The following CPVL variants were observed in gnomAD, a reference collection of about 807,000 sequenced individuals.
CPVL encodes carboxypeptidase vitellogenic like.
In CPVL, 51 loss-of-function variants were observed where a neutral mutation model predicts 63.7. The observed-to-expected ratio is 0.80, with a 90% confidence interval of 0.64 to 1.01. CPVL has a LOEUF of 1.01. CPVL is among the 50% of genes least tolerant of loss of function. CPVL has a pLI of 0.00. For synonymous variants in CPVL, 195 were observed against 206.0 expected (o/e 0.95, Z 0.46); for missense variants, 530 against 573.1 (o/e 0.92, Z 0.77).
intron 12 of CPVL, among the ~76,000 whole-genome samples, chr7:29,001,776 G>C (rs573373482): frequency 3.3e-5 from 5 of 152,158 alleles, no homozygotes; most frequent in Non-Finnish European, 7.4e-5. Flanking sequence ...ACATATTCTA[G>C]AGCAGTTAAA....
intron 12 of CPVL, among the ~76,000 whole-genome samples, chr7:28,999,107 G>A (rs1479308255): frequency 1.3e-5 from 2 of 151,746 alleles, no homozygotes; most frequent in East Asian, 2.0e-4. Context: ...AACTACTGGG[G>A]AGGCTGAAGC....
At chr7:29,178,664 A>G (rs1797686533) in intron 5 of CPVL, among the ~76,000 whole-genome samples, 1 of 152,156 alleles carries the variant, frequency 6.6e-6, no homozygotes, top group South Asian at 2.1e-4. Context: ...TTATTGTTAT[A>G]TTCTCAGGGT....
chr7:29,076,928 G>A (rs1784303954), intron 7 of CPVL, among the ~76,000 whole-genome samples: 1 of 152,202 alleles, frequency 6.6e-6, no homozygotes, highest in Non-Finnish European at 1.5e-5. Context: ...AATCCCGTGA[G>A]GAGCACATTG....
At chr7:29,017,408 C>T (rs935903491) in intron 12 of CPVL, among the ~76,000 whole-genome samples, 13 of 152,088 alleles carry the variant, frequency 8.5e-5, no homozygotes, top group Admixed American at 2.0e-4. Flanking sequence ...CCGAGGCAGG[C>T]GGATCACTTG....
intron 9 of CPVL, among the ~76,000 whole-genome samples, chr7:29,067,672 T>C (rs897117373): frequency 3.3e-5 from 5 of 152,130 alleles, no homozygotes; most frequent in African/African-American, 1.2e-4. Flanking sequence ...TGATATTAAG[T>C]TGTAAGGAGT....
intron 3 of CPVL, among the ~76,000 whole-genome samples, chr7:29,098,746 T>A (rs1263285280): frequency 6.6e-6 from 1 of 151,252 alleles, no homozygotes; most frequent in Admixed American, 6.6e-5. Flanking sequence ...GCTCTCTGGA[T>A]CTCAGTTTCC....
intron 1 of CPVL, among the ~76,000 whole-genome samples, chr7:29,133,142 A>C (rs1192091537): frequency 6.6e-6 from 1 of 152,004 alleles, no homozygotes; most frequent in Non-Finnish European, 1.5e-5. Flanking sequence ...CATCTGCTTC[A>C]TAAGCCACTG....
intron 1 of CPVL, among the ~76,000 whole-genome samples, chr7:29,143,845 C>A (rs1792161958): frequency 6.6e-6 from 1 of 152,208 alleles, no homozygotes; most frequent in African/African-American, 2.4e-5. Context: ...ACCCCAGGGT[C>A]TGAGTTAAAG....
intron 5 of CPVL, among the ~76,000 whole-genome samples, chr7:29,164,779 CAA>C (rs55742522): frequency 0.04 from 3,445 of 85,938 alleles, 134 homozygotes; most frequent in African/African-American, 0.13. Flanking sequence ...AGACCTGTCT[CAA>C]AAAAAAAAAA....
At chr7:29,194,827 C>T (rs1468040947) in intron 1 of CPVL, 2 of 964,932 alleles carry the variant, frequency 2.1e-6, no homozygotes, top group East Asian at 3.4e-5. Flanking sequence ...TCTGCGCGTC[C>T]CCAGGACTTT....
chr7:29,064,732 G>A (rs1185251767), intron 10 of CPVL, among the ~76,000 whole-genome samples: 1 of 152,004 alleles, frequency 6.6e-6, no homozygotes. Context: ...CCATGTTGGT[G>A]TGCTGCACTT....
At chr7:29,123,006 A>T (rs983561939) in intron 1 of CPVL, among the ~76,000 whole-genome samples, 2 of 152,146 alleles carry the variant, frequency 1.3e-5, no homozygotes, top group Admixed American at 1.3e-4. Context: ...TTAGCTGTAA[A>T]TTCTAAATCA....
intron 12 of CPVL, among the ~76,000 whole-genome samples, chr7:29,002,034 G>C (rs1784694487): frequency 6.6e-6 from 1 of 152,204 alleles, no homozygotes; most frequent in African/African-American, 2.4e-5. Flanking sequence ...GGAATCACAA[G>C]GAAGTGAGCC....
At chr7:29,155,481 T>C (rs960825) in intron 5 of CPVL, among the ~76,000 whole-genome samples, 17,728 of 152,168 alleles carry the variant, frequency 0.12, 1,125 homozygotes, top group Non-Finnish European at 0.14. Context: ...TATTCTCCAT[T>C]TTCTAATGGA....
chr7:29,130,616 T>C (rs1251431897), intron 1 of CPVL, among the ~76,000 whole-genome samples: 1 of 152,166 alleles, frequency 6.6e-6, no homozygotes, highest in Non-Finnish European at 1.5e-5. Flanking sequence ...GTAAACTCAG[T>C]CCCAGGTTAA....
intron 11 of CPVL, among the ~76,000 whole-genome samples, chr7:29,048,758 T>A (rs781324018): frequency 1.3e-5 from 2 of 152,106 alleles, no homozygotes; most frequent in Non-Finnish European, 2.9e-5. Context: ...TTCTCCAAGA[T>A]AGACCAAACG....
intron 5 of CPVL, 82 bp from the exon 6 acceptor site, chr7:29,092,784 G>A (rs1785954347): frequency 1.0e-6 from 1 of 996,116 alleles, no homozygotes; most frequent in Non-Finnish European, 1.6e-6. Context: ...ACACTGGAAG[G>A]TGACCTTGTT....
At chr7:29,146,752 T>A, upstream of CPVL, 3 of 1,549,818 alleles carry the variant, frequency 1.9e-6, no homozygotes, top group Non-Finnish European at 2.6e-6. Context: ...TCAGGTTGGT[T>A]TGTCCCTTTG....
At chr7:29,159,626 G>A (rs189586262) in intron 5 of CPVL, among the ~76,000 whole-genome samples, 13 of 152,026 alleles carry the variant, frequency 8.6e-5, no homozygotes, top group South Asian at 4.2e-4. Flanking sequence ...TCCCCGCTTC[G>A]TGCAGAGGAC....
Sources: allele counts gnomAD v4.1 joint callset (sites outside exome capture counted in the v4.1 genomes callset), GRCh38; gene constraint gnomAD v4.1.1; transcripts MANE v1.5; gene names NCBI Gene and HGNC (gene_info 2026-07-23, HGNC 2026-07-21).